The following ADGRA1 variants were observed in gnomAD, a reference collection of about 807,000 sequenced individuals.
ADGRA1 encodes the protein adhesion G protein-coupled receptor A1, also known as G-protein coupled receptor 123.
A neutral mutation model predicts 21.3 loss-of-function variants in ADGRA1; 12 were observed. The ratio of observed to expected loss-of-function variants is 0.56; its 90% CI spans 0.36 to 0.91. The LOEUF is 0.91. ADGRA1 is among the 40% of genes least tolerant of loss of function. The pLI is 0.01. For synonymous variants in ADGRA1, 385 were observed against 368.8 expected, an observed-to-expected ratio of 1.04 and a Z score of -0.50; for missense variants, 790 against 805.6, an observed-to-expected ratio of 0.98 and a Z score of 0.23.
Position 133,129,673 on chromosome 10 carries a change from A to ATCACACCCCTGCCCCTTCCTTGTGT in ADGRA1, c.*186_*187insTTCACACCCCTGCCCCTTCCTTGTG, listed in dbSNP as rs1564857300. On this transcript the variant is annotated 3_prime_UTR_variant, in exon 7 of 7. Transcript: ENST00000392607. ...ATCACACCCCTGCCCCTTCCTTGTG[A>ATCACACCCCTGCCCCTTCCTTGTGT]TCACACCCCTGCCCCTTCCTTGTGA... 5,255 of 310,250 alleles carry ATCACACCCCTGCCCCTTCCTTGTGT rather than the reference A, an allele frequency of 0.017. 162 individuals are homozygous for ATCACACCCCTGCCCCTTCCTTGTGT. The highest frequency in any genetic ancestry group is 0.029 in the Middle Eastern group (31 of 1,068). The allele number at this position is 310,250 out of a possible 1,614,324, so 19.2% of individuals were successfully genotyped here.
rs1591192610 is a variant in ADGRA1 at position 133,128,927 on chromosome 10, C to T, written c.1099C>T (p.Leu367=). ...ACCGGGCCCCTGCAAGATGACCAAC[C>T]TGCAGGCCGCGCAGGGCCACGCCAG... The part of the protein sequence containing the change: ...HPPGPCKMTN[L]QAAQGHASCL... Residue 367 remains leucine, a synonymous_variant, in exon 7 of 7, where the codon CTG becomes TTG. Transcript: ENST00000392607. 5 of 1,557,072 alleles carry T rather than the reference C, an allele frequency of 3.2e-6. No homozygotes were observed. The highest frequency in any genetic ancestry group is 4.7e-5 in the East Asian group (2 of 42,642).
chr10:133,102,598 G>T, intron 4 of ADGRA1, 99 bp from the exon 5 acceptor site: 1 of 1,387,454 alleles, frequency 7.2e-7, no homozygotes, highest in South Asian at 1.3e-5. Context: ...CTGGCCGCCT[G>T]CCGTTCTCAT....
At chr10:133,104,552 A>T (rs919153658) in intron 5 of ADGRA1, among the ~76,000 whole-genome samples, 1 of 152,136 alleles carries the variant, frequency 6.6e-6, no homozygotes, top group Non-Finnish European at 1.5e-5. Flanking sequence ...GCTTGCGGCC[A>T]TGGTGCCGAG....
At chr10:133,112,214 G>C (rs902028049) in intron 5 of ADGRA1, among the ~76,000 whole-genome samples, 1 of 152,258 alleles carries the variant, frequency 6.6e-6, no homozygotes, top group African/African-American at 2.4e-5. Flanking sequence ...CTCGGGGGCT[G>C]ATTCCCCATT....
At chr10:133,100,414 G>A (rs1851770058) in intron 4 of ADGRA1, among the ~76,000 whole-genome samples, 1 of 152,250 alleles carries the variant, frequency 6.6e-6, no homozygotes, top group Non-Finnish European at 1.5e-5. Context: ...AAGCCTGCTG[G>A]ATCCGCGGGT....
intron 5 of ADGRA1, among the ~76,000 whole-genome samples, chr10:133,123,188 AGTCCCTCTGCGCCC>A (rs550335515): frequency 4.3e-4 from 65 of 152,190 alleles, no homozygotes; most frequent in Non-Finnish European, 6.5e-4. Flanking sequence ...GGGCCCCGCG[AGTCCCTCTGCGCCC>A]GTCCCTCTGC....
At chr10:133,106,748 TC>T (rs1409724736) in intron 5 of ADGRA1, among the ~76,000 whole-genome samples, 3 of 152,226 alleles carry the variant, frequency 2.0e-5, no homozygotes, top group African/African-American at 7.2e-5. Context: ...GCAGCATGCT[TC>T]CTGGGGGAAG....
chr10:133,101,826 C>T (rs1451045212), intron 4 of ADGRA1, among the ~76,000 whole-genome samples: 2 of 152,170 alleles, frequency 1.3e-5, no homozygotes, highest in Admixed American at 6.5e-5. Context: ...CCCCCAGCGG[C>T]GCACAGGGAT....
In ADGRA1 at chr10:133,129,769, T is replaced by A. The variant is rs1852478672; in HGVS notation, c.*258T>A. On this transcript the variant is annotated 3_prime_UTR_variant, in exon 7 of 7. Transcript: ENST00000392607. ...CTCCGGGCCACGCCCACTCCCCTTA[T>A]CCCAATTCCGCGTGCTGGTCCCGCA... 1 of 480,350 alleles carries A rather than the reference T, an allele frequency of 2.1e-6. No individual in the cohort carries two copies. The highest frequency in any genetic ancestry group is 3.6e-5 in the Admixed American group (1 of 27,984). The allele number at this position is 480,350 out of a possible 1,614,324, so 29.8% of individuals were successfully genotyped here.
At chr10:133,121,250 G>A (rs754216136) in intron 5 of ADGRA1, among the ~76,000 whole-genome samples, 21 of 152,228 alleles carry the variant, frequency 1.4e-4, no homozygotes, top group Non-Finnish European at 2.9e-4. Flanking sequence ...GAAAAATGGC[G>A]CTGATGGACT....
At chr10:133,107,927 T>C (rs1851921428) in intron 5 of ADGRA1, among the ~76,000 whole-genome samples, 1 of 152,232 alleles carries the variant, frequency 6.6e-6, no homozygotes, top group African/African-American at 2.4e-5. Flanking sequence ...GAGATCTTCA[T>C]TACAATGATG....
rs953406912 is a variant in ADGRA1 at position 133,100,040 on chromosome 10, C to T, written c.255+1277C>T. On this transcript the variant is annotated intron_variant, in intron 4 of 6. Coordinates refer to ENST00000392607, the MANE Select transcript of ADGRA1 (RefSeq NM_001083909.3). The stretch of plus-strand genomic sequence containing the variant: ...TCCTTCCTTCCCAGCACTACACTTC[C>T]GTGTGCCAGGCTGGGACGGGCCGGG... Among the ~76,000 whole-genome samples, 10 of 152,240 alleles carry T rather than the reference C, an allele frequency of 6.6e-5. No individual in the cohort carries two copies. In the South Asian group the frequency reaches 8.3e-4, roughly 13 times the overall value.
intron 5 of ADGRA1, among the ~76,000 whole-genome samples, chr10:133,108,329 C>G (rs1005942110): frequency 6.6e-6 from 1 of 152,224 alleles, no homozygotes; most frequent in African/African-American, 2.4e-5. Flanking sequence ...CACCCTCAGC[C>G]TTGTAGGGGA....
intron 2 of ADGRA1, among the ~76,000 whole-genome samples, chr10:133,091,742 G>A (rs1032435344): frequency 6.6e-6 from 1 of 152,232 alleles, no homozygotes; most frequent in Non-Finnish European, 1.5e-5. Flanking sequence ...GAGACCTGGT[G>A]TGTGTAGGGA....
chr10:133,105,983 C>T (rs1851887499), intron 5 of ADGRA1, among the ~76,000 whole-genome samples: 1 of 152,248 alleles, frequency 6.6e-6, no homozygotes, highest in Admixed American at 6.5e-5. Context: ...GGGGATTCAC[C>T]TGGTCTCATC....
intron 5 of ADGRA1, among the ~76,000 whole-genome samples, chr10:133,121,477 C>T (rs1284217669): frequency 7.2e-6 from 1 of 138,718 alleles, no homozygotes; most frequent in African/African-American, 2.7e-5. Context: ...TGCGTGTGTG[C>T]ATGTGTGGTG....
intron 5 of ADGRA1, among the ~76,000 whole-genome samples, chr10:133,106,711 C>T (rs1223166260): frequency 2.0e-5 from 3 of 152,200 alleles, no homozygotes; most frequent in South Asian, 4.1e-4. Context: ...GAGGCCTGGG[C>T]GAGTGGATGG....
chr10:133,102,864 G>A (rs370871925), intron 5 of ADGRA1, 22 bp downstream of exon 5: 80 of 1,592,250 alleles, frequency 5.0e-5, no homozygotes, highest in Non-Finnish European at 5.6e-5. Flanking sequence ...ACATGGGCGC[G>A]AGGCCCCGCC....
chr10:133,128,788 C>G lies in ADGRA1; in HGVS notation c.960C>G (p.Cys320Trp). The G allele has an allele frequency of 6.2e-7, 1 of 1,609,764 alleles. No individual in the cohort carries two copies. Among genetic ancestry groups the G allele is most frequent in the Non-Finnish European group, 8.5e-7 (1 of 1,178,622 alleles). Residue 320 changes from cysteine to tryptophan, a missense_variant, in exon 7 of 7, where the codon TGC becomes TGG. Coordinates refer to ENST00000392607, the MANE Select transcript of ADGRA1 (RefSeq NM_001083909.3). ...REDVWQCWWA[C>W]CPPRKDAHPA... ...ACGTGTGGCAGTGCTGGTGGGCATG[C>G]TGCCCGCCCCGCAAGGACGCCCACC...
Sources: allele counts gnomAD v4.1 joint callset (sites outside exome capture counted in the v4.1 genomes callset), GRCh38; gene constraint gnomAD v4.1.1; transcripts MANE v1.5; gene names NCBI Gene and HGNC (gene_info 2026-07-23, HGNC 2026-07-21).